The following NBEA variants were observed in gnomAD, a reference collection of about 807,000 sequenced individuals.
NBEA encodes the protein lysosomal-trafficking regulator 2.
A neutral mutation model predicts 343.4 loss-of-function variants in NBEA; 44 were observed. The observed-to-expected ratio is 0.13, with a 90% CI of 0.10 to 0.16. The LOEUF (loss-of-function observed/expected upper bound fraction) is 0.16, where lower values mean the gene tolerates loss of function less well. NBEA is among the 10% of genes least tolerant of loss of function. The probability of loss-of-function intolerance (pLI) is 1.00; values close to 1 mark genes in which losing one functional copy is unlikely to be tolerated. For synonymous variants in NBEA, 1,175 were observed against 1,238.7 expected (o/e 0.95, Z 1.08); for missense variants, 2,555 against 3,631.3 (o/e 0.70, Z 7.62).
chr13:34,942,856 C>G lies in NBEA; in HGVS notation c.36C>G (p.Leu12=), dbSNP rs771431772. The G allele has an allele frequency of 3.1e-5, 43 of 1,372,518 alleles. 1 individual carries two copies. The highest frequency in any genetic ancestry group is 5.4e-4 in the Middle Eastern group (2 of 3,728). The allele number at this position is 1,372,518 out of a possible 1,614,324, so 85.0% of individuals were successfully genotyped here. The part of the protein sequence containing the change: ...ASEKPGPGPG[L]EPQPVGLIAV... ...AGAAGCCGGGCCCGGGCCCGGGGCT[C>G]GAGCCTCAGCCCGTGGGGCTCATTG... is the stretch of plus-strand genomic sequence containing the variant. The change falls in exon 1 of 59, where the codon CTC becomes CTG. Residue 12 remains leucine, a synonymous_variant. Coordinates refer to ENST00000379939, the MANE Select transcript of NBEA (RefSeq NM_001385012.1).
intron 46 of NBEA, 118 bp downstream of exon 46, chr13:35,584,156 A>C (rs2153038465): frequency 9.4e-7 from 1 of 1,058,586 alleles, no homozygotes; most frequent in East Asian, 2.4e-5. Flanking sequence ...CGAGTGAAGT[A>C]GAAATTAAAG....
Position 35,550,953 on chromosome 13 carries a change from G to C in NBEA, c.6727G>C (p.Asp2243His). 1 of 1,608,834 alleles carries C rather than the reference G, an allele frequency of 6.2e-7. No homozygotes were observed. Among genetic ancestry groups the C allele is most frequent in the Admixed American group, 1.7e-5 (1 of 59,648 alleles). Reference protein sequence around the residue: ...NRTSVMFNFPDQATVKKVVYS... With the variant: ...NRTSVMFNFPHQATVKKVVYS... The stretch of plus-strand genomic sequence containing the variant: ...AGCCTCAGTTATGTTTAATTTCCCT[G>C]ATCAAGCAACAGTAAAAAAAGTTGT... Residue 2243 changes from aspartate (D) to histidine (H), a missense_variant, in exon 43 of 59, where the codon GAT (aspartate) becomes CAT (histidine). Transcript: ENST00000379939.
chr13:35,210,578 G>A (rs914936388), intron 32 of NBEA, among the ~76,000 whole-genome samples: 1 of 152,116 alleles, frequency 6.6e-6, no homozygotes, highest in Non-Finnish European at 1.5e-5. Flanking sequence ...AGGTACTAAT[G>A]TAACTCATTA....
intron 41 of NBEA, among the ~76,000 whole-genome samples, chr13:35,507,467 C>A (rs888007193): frequency 6.6e-6 from 1 of 152,052 alleles, no homozygotes; most frequent in Non-Finnish European, 1.5e-5. Flanking sequence ...GCTTGAGAGT[C>A]CAATAGATAA....
rs1296197612 is a variant in NBEA, at chr13:35,646,252, C to T, written c.7681-7C>T. On this transcript the variant is annotated splice_region_variant and splice_polypyrimidine_tract_variant and intron_variant, in intron 50 of 58. Coordinates refer to ENST00000379939, the MANE Select transcript of NBEA (RefSeq NM_001385012.1). Reference sequence around the variant, plus strand: ...TGATTATGACAATCACCCTCCTTCCCCTGCAGGCCATGGAGGCACAGATAC... The same window carrying T: ...TGATTATGACAATCACCCTCCTTCCTCTGCAGGCCATGGAGGCACAGATAC... 6.2e-7 allele frequency: 1 copy of T among 1,607,294 alleles called. No individual in the cohort carries two copies. The highest frequency in any genetic ancestry group is 2.2e-5 in the East Asian group (1 of 44,848).
rs1292870682 is a variant in NBEA, at chr13:35,109,823, A to G, written c.1833+381A>G. 3.3e-5 allele frequency among the ~76,000 whole-genome samples: 5 copies of G among 152,122 alleles called. No homozygotes were observed. The East Asian group carries it at 9.6e-4, about 29-fold the overall frequency. ...AGGTAGAATTTATATCATGACATGTAAATAATACTAATTTAAAAATAAATA... is the reference window on the plus strand; with the variant it reads ...AGGTAGAATTTATATCATGACATGTGAATAATACTAATTTAAAAATAAATA... On this transcript the variant is annotated intron_variant, in intron 12 of 58. Transcript: ENST00000379939.
chr13:35,334,795 T>TG (rs1169104513), intron 36 of NBEA, among the ~76,000 whole-genome samples: 40 of 152,310 alleles, frequency 2.6e-4, no homozygotes, highest in Non-Finnish European at 2.1e-4. Flanking sequence ...TTTTCTCCAA[T>TG]TTATGGATTA....
chr13:35,669,876 TGGGAAGGGCA>T (rs1184565855), intron 58 of NBEA, among the ~76,000 whole-genome samples: 33 of 151,842 alleles, frequency 2.2e-4, no homozygotes, highest in Admixed American at 2.2e-3. Context: ...TCTTGAGGGC[TGGGAAGGGCA>T]GGAAAGACCT....
intron 48 of NBEA, among the ~76,000 whole-genome samples, chr13:35,612,095 A>T (rs1197013089): frequency 2.0e-5 from 3 of 150,634 alleles, no homozygotes; most frequent in Admixed American, 6.6e-5. Flanking sequence ...TATTACAGCC[A>T]TTCTAGTGAA....
intron 17 of NBEA, among the ~76,000 whole-genome samples, chr13:35,127,100 G>A (rs1037368134): frequency 4.6e-5 from 7 of 152,148 alleles, no homozygotes; most frequent in African/African-American, 1.7e-4. Context: ...ACCTAGAATG[G>A]TTAGCATCAA....
intron 18 of NBEA, among the ~76,000 whole-genome samples, chr13:35,155,486 G>T (rs923980083): frequency 1.3e-5 from 2 of 152,036 alleles, no homozygotes; most frequent in African/African-American, 4.8e-5. Context: ...TTAGCCAGGC[G>T]TGGTGGCACA....
intron 34 of NBEA, among the ~76,000 whole-genome samples, chr13:35,288,330 TTG>T (rs1217940438): frequency 6.6e-6 from 1 of 151,950 alleles, no homozygotes; most frequent in Non-Finnish European, 1.5e-5. Flanking sequence ...TTGCCTCTGC[TTG>T]TGTTCTCAAT....
chr13:35,139,744 G>T (rs34970702), intron 17 of NBEA, among the ~76,000 whole-genome samples: 48 of 61,076 alleles, frequency 7.9e-4, no homozygotes, highest in East Asian at 1.2e-3. Flanking sequence ...GATGGATGGC[G>T]TTTTTTTTTT....
At chr13:35,174,758 A>T (rs2070743779) in intron 27 of NBEA, among the ~76,000 whole-genome samples, 1 of 151,936 alleles carries the variant, frequency 6.6e-6, no homozygotes, top group African/African-American at 2.4e-5. Context: ...ACTTGAGGGC[A>T]GTGTCTATGT....
At chr13:35,388,837 CTT>C (rs962474943) in intron 38 of NBEA, among the ~76,000 whole-genome samples, 1 of 152,100 alleles carries the variant, frequency 6.6e-6, no homozygotes, top group Non-Finnish European at 1.5e-5. Context: ...TTTTCCTTCT[CTT>C]TGTTTATTTT....
intron 46 of NBEA, among the ~76,000 whole-genome samples, chr13:35,585,587 T>A (rs778301378): frequency 2.0e-5 from 3 of 152,148 alleles, no homozygotes; most frequent in Non-Finnish European, 2.9e-5. Context: ...AGTTACAAGC[T>A]AGTGATTTCC....
At chr13:35,327,249 C>G (rs577466907) in intron 36 of NBEA, among the ~76,000 whole-genome samples, 31 of 152,162 alleles carry the variant, frequency 2.0e-4, no homozygotes, top group African/African-American at 7.2e-4. Context: ...ACAGAGCTAC[C>G]ATTTGACCCA....
intron 22 of NBEA, among the ~76,000 whole-genome samples, chr13:35,161,338 G>A (rs1342039097): frequency 6.6e-6 from 1 of 152,140 alleles, no homozygotes; most frequent in Non-Finnish European, 1.5e-5. Flanking sequence ...AAACTGTCAA[G>A]TAATATTTTT....
chr13:35,641,676 T>C (rs943908052), intron 49 of NBEA, among the ~76,000 whole-genome samples: 1 of 151,984 alleles, frequency 6.6e-6, no homozygotes, highest in Non-Finnish European at 1.5e-5. Context: ...TGGGGCTAGA[T>C]AGGGGGAATA....
Sources: gnomAD v4.1 joint callset for allele counts (sites outside exome capture counted in the v4.1 genomes callset) on GRCh38, gnomAD v4.1.1 for gene constraint, MANE v1.5 for transcripts, NCBI Gene and HGNC (gene_info 2026-07-23, HGNC 2026-07-21) for gene names.